AGBL4: variants seen among roughly 807,000 people sequenced by gnomAD.
AGBL4 encodes the protein AGBL carboxypeptidase 4.
A neutral mutation model predicts 66.4 loss-of-function variants in AGBL4; 58 were observed. The observed-to-expected ratio is 0.87, with a 90% CI of 0.71 to 1.09. The LOEUF (loss-of-function observed/expected upper bound fraction) is 1.09. Ranked by LOEUF, AGBL4 falls within the 50% of genes least tolerant of loss-of-function variation. The probability of loss-of-function intolerance (pLI) is 0.00; values close to 1 mark genes in which losing one functional copy is unlikely to be tolerated. For synonymous variants in AGBL4, 234 were observed against 222.9 expected, an observed-to-expected ratio of 1.05 and a Z score of -0.44; for missense variants, 579 against 631.0, an observed-to-expected ratio of 0.92 and a Z score of 0.88.
intron 4 of AGBL4, among the ~76,000 whole-genome samples, chr1:49,211,499 T>A (rs1044648256): frequency 2.0e-5 from 3 of 152,148 alleles, no homozygotes; most frequent in African/African-American, 7.2e-5. Flanking sequence ...TTAAATATTA[T>A]ATGTGAAAAT....
At chr1:49,296,433 T>C (rs1426165686) in intron 3 of AGBL4, among the ~76,000 whole-genome samples, 1 of 152,198 alleles carries the variant, frequency 6.6e-6, no homozygotes, top group East Asian at 1.9e-4. Flanking sequence ...TATTGGACTA[T>C]GGTTAAGGTA....
intron 9 of AGBL4, among the ~76,000 whole-genome samples, chr1:48,620,064 A>G (rs1645385906): frequency 6.6e-6 from 1 of 152,200 alleles, no homozygotes; most frequent in African/African-American, 2.4e-5. Context: ...CCGAAGGTTA[A>G]ACCGTAAAAT....
At chr1:49,842,087 C>T in intron 2 of AGBL4, 1 of 344,154 alleles carries the variant, frequency 2.9e-6, no homozygotes, top group Non-Finnish European at 5.5e-6. Context: ...TACCTGCATG[C>T]CCGACCTCCT....
At chr1:49,414,873 A>G (rs1187430413) in intron 3 of AGBL4, among the ~76,000 whole-genome samples, 1 of 152,174 alleles carries the variant, frequency 6.6e-6, no homozygotes, top group Non-Finnish European at 1.5e-5. Context: ...GGGACATAGC[A>G]AGCCCTCAGC....
At chr1:49,898,675 T>C (rs2148184507) in intron 1 of AGBL4, among the ~76,000 whole-genome samples, 1 of 152,288 alleles carries the variant, frequency 6.6e-6, no homozygotes, top group East Asian at 1.9e-4. Flanking sequence ...CCATGTTTAC[T>C]GCAACACTAT....
chr1:49,222,746 ATAATT>A (rs1230885653), intron 4 of AGBL4, among the ~76,000 whole-genome samples: 1 of 152,242 alleles, frequency 6.6e-6, no homozygotes, highest in African/African-American at 2.4e-5. Flanking sequence ...AATAATTCAT[ATAATT>A]TAAACAGTAA....
chr1:49,842,159 T>C (rs1470740282), intron 2 of AGBL4: 7 of 404,238 alleles, frequency 1.7e-5, no homozygotes, highest in Non-Finnish European at 1.9e-5. Flanking sequence ...CCACACTGCA[T>C]TGGAGGAGCA....
chr1:49,876,632 G>A (rs1647015906), intron 1 of AGBL4, among the ~76,000 whole-genome samples: 2 of 24,498 alleles, frequency 8.2e-5, no homozygotes, highest in African/African-American at 1.8e-4. Context: ...GATTGACTTG[G>A]CGATGCAGGC....
intron 2 of AGBL4, among the ~76,000 whole-genome samples, chr1:49,839,752 A>T (rs1214456390): frequency 6.6e-6 from 1 of 152,196 alleles, no homozygotes; most frequent in Admixed American, 6.5e-5. Context: ...CAGTTGTGAG[A>T]TATTATCCTC....
chr1:49,963,036 C>T (rs1417523465), intron 1 of AGBL4, among the ~76,000 whole-genome samples: 27 of 152,148 alleles, frequency 1.8e-4, no homozygotes, highest in Non-Finnish European at 5.9e-5. Flanking sequence ...GTTCCATCTT[C>T]CCATCACAGG....
chr1:49,417,129 A>C (rs952670304), intron 3 of AGBL4, among the ~76,000 whole-genome samples: 2 of 152,126 alleles, frequency 1.3e-5, no homozygotes, highest in African/African-American at 4.8e-5. Flanking sequence ...TTCAGTGTGA[A>C]GGAGAAACAA....
chr1:49,057,328 T>C (rs1218279998), intron 4 of AGBL4, among the ~76,000 whole-genome samples: 2 of 152,084 alleles, frequency 1.3e-5, no homozygotes, highest in East Asian at 3.9e-4. Context: ...TGAGGTGGGA[T>C]AACCACCTGA....
intron 9 of AGBL4, among the ~76,000 whole-genome samples, chr1:48,617,329 G>T (rs569214322): frequency 2.6e-4 from 40 of 152,154 alleles, no homozygotes; most frequent in African/African-American, 8.7e-4. Flanking sequence ...AGATTAAAGG[G>T]GTCACTGTTT....
chr1:49,124,831 A>G (rs1291145452), intron 4 of AGBL4, among the ~76,000 whole-genome samples: 1 of 152,216 alleles, frequency 6.6e-6, no homozygotes, highest in Non-Finnish European at 1.5e-5. Context: ...TCATAGTGGG[A>G]TTATATTTCA....
At chr1:48,819,024 C>G (rs746078015) in intron 6 of AGBL4, among the ~76,000 whole-genome samples, 1 of 152,116 alleles carries the variant, frequency 6.6e-6, no homozygotes, top group Non-Finnish European at 1.5e-5. Context: ...GGACTGGATG[C>G]TTGTCTTTGC....
At chr1:49,066,660 C>T (rs1644497719) in intron 4 of AGBL4, among the ~76,000 whole-genome samples, 1 of 152,214 alleles carries the variant, frequency 6.6e-6, no homozygotes, top group South Asian at 2.1e-4. Flanking sequence ...GTGGTGAAAA[C>T]TCTGCTCTTT....
At chr1:49,739,019 C>CAGTT (rs562525800) in intron 2 of AGBL4, among the ~76,000 whole-genome samples, 21 of 152,346 alleles carry the variant, frequency 1.4e-4, no homozygotes, top group African/African-American at 5.1e-4. Context: ...CAAAGGAACG[C>CAGTT]AGTTCCTCAC....
intron 2 of AGBL4, among the ~76,000 whole-genome samples, chr1:49,740,670 T>C (rs1364749633): frequency 6.6e-6 from 1 of 152,076 alleles, no homozygotes; most frequent in Non-Finnish European, 1.5e-5. Flanking sequence ...CCTCAGCAAA[T>C]GTAAAATAAC....
At chr1:49,377,853 C>T (rs1291721601) in intron 3 of AGBL4, among the ~76,000 whole-genome samples, 1 of 152,084 alleles carries the variant, frequency 6.6e-6, no homozygotes, top group Admixed American at 6.6e-5. Context: ...ATATAGTATT[C>T]TCTCTACCAG....
Sources: allele counts gnomAD v4.1 joint callset (sites outside exome capture counted in the v4.1 genomes callset), GRCh38; gene constraint gnomAD v4.1.1; transcripts MANE v1.5; gene names NCBI Gene and HGNC (gene_info 2026-07-23, HGNC 2026-07-21).